SOX6: variants seen among roughly 807,000 people sequenced by gnomAD.
SOX6 encodes SRY-box transcription factor 6.
In SOX6, 11 loss-of-function variants were observed where a neutral mutation model predicts 97.8. That is an observed-to-expected ratio of 0.11 (90% confidence interval 0.07 to 0.19). The LOEUF (loss-of-function observed/expected upper bound fraction) is 0.19. Ranked by LOEUF, SOX6 falls within the 10% of genes least tolerant of loss-of-function variation. The pLI is 1.00. For missense variants in SOX6, 810 were observed against 1,039.5 expected, an observed-to-expected ratio of 0.78 and a Z score of 3.04; for synonymous variants, 360 against 371.4, an observed-to-expected ratio of 0.97 and a Z score of 0.35.
chr11:16,178,987 T>A (rs1272006444), intron 6 of SOX6, among the ~76,000 whole-genome samples: 1 of 151,862 alleles, frequency 6.6e-6, no homozygotes, highest in Non-Finnish European at 1.5e-5. Flanking sequence ...ATATCTCCAA[T>A]ATATATCTAT....
chr11:16,507,404 G>T (rs951637226), intron 4 of SOX6, among the ~76,000 whole-genome samples: 1 of 152,028 alleles, frequency 6.6e-6, no homozygotes, highest in Non-Finnish European at 1.5e-5. Context: ...CACAGAAATA[G>T]AAGGAAACAC....
intron 1 of SOX6, among the ~76,000 whole-genome samples, chr11:16,426,462 T>C (rs1179885131): frequency 6.6e-6 from 1 of 151,600 alleles, no homozygotes; most frequent in African/African-American, 2.4e-5. Flanking sequence ...AACAGACACA[T>C]AGACCAATGG....
intron 1 of SOX6, among the ~76,000 whole-genome samples, chr11:16,428,946 T>C (rs550613948): frequency 3.3e-5 from 5 of 152,350 alleles, no homozygotes; most frequent in Admixed American, 2.6e-4. Context: ...TATTAATTCT[T>C]CCTACACATG....
chr11:15,978,158 T>C (rs1853547576), intron 15 of SOX6, among the ~76,000 whole-genome samples: 1 of 152,056 alleles, frequency 6.6e-6, no homozygotes, highest in African/African-American at 2.4e-5. Context: ...ACTCATACCA[T>C]AAAAAACAAC....
At chr11:16,336,853 C>G (rs1272690285) in intron 2 of SOX6, among the ~76,000 whole-genome samples, 2 of 152,168 alleles carry the variant, frequency 1.3e-5, no homozygotes, top group Non-Finnish European at 1.5e-5. Flanking sequence ...ATTATACACT[C>G]TGACTGGGTG....
At chr11:16,609,759 G>A (rs1252766864) in intron 4 of SOX6, among the ~76,000 whole-genome samples, 1 of 152,200 alleles carries the variant, frequency 6.6e-6, no homozygotes, top group Non-Finnish European at 1.5e-5. Flanking sequence ...GATCTGTGGG[G>A]CAGAAGAAAT....
At chr11:16,737,408 T>C (rs1168781962) in intron 1 of SOX6, among the ~76,000 whole-genome samples, 1 of 152,068 alleles carries the variant, frequency 6.6e-6, no homozygotes, top group African/African-American at 2.4e-5. Context: ...GGTTTCACCA[T>C]GTTGATCAGG....
chr11:16,106,724 A>G (rs1233419308), intron 7 of SOX6, among the ~76,000 whole-genome samples: 1 of 152,076 alleles, frequency 6.6e-6, no homozygotes. Context: ...ACAGGCACCA[A>G]AGGAAAAAAT....
chr11:16,360,928 G>A (rs540273398), upstream of SOX6, among the ~76,000 whole-genome samples: 10 of 151,802 alleles, frequency 6.6e-5, no homozygotes, highest in Admixed American at 3.9e-4. Context: ...GCGTGAACCC[G>A]GGAGGCAGAG....
At chr11:16,008,270 G>A (rs937679626) in intron 13 of SOX6, among the ~76,000 whole-genome samples, 7 of 152,042 alleles carry the variant, frequency 4.6e-5, no homozygotes, top group African/African-American at 1.4e-4. Context: ...ACAGTTGATT[G>A]AATCTACAGA....
At chr11:16,428,563 C>A (rs1859202203) in intron 1 of SOX6, among the ~76,000 whole-genome samples, 1 of 152,134 alleles carries the variant, frequency 6.6e-6, no homozygotes, top group South Asian at 2.1e-4. Context: ...GTTTTCCCAG[C>A]ACCATTTATT....
Position 16,328,845 on chromosome 11 carries a change from G to A in SOX6, c.238-10192C>T, listed in dbSNP as rs1856189511. 2.0e-5 allele frequency among the ~76,000 whole-genome samples: 3 copies of A among 151,860 alleles called. No homozygotes were observed. The South Asian group carries it at 6.2e-4, about 32-fold the overall frequency. On this transcript the variant is annotated intron_variant, in intron 2 of 15. Transcript: ENST00000683767. ...CAAACATTTACGGTTCTTTCTCAGA[G>A]GAAAAAAGTATGTTTTTTTCTAATG...
rs531867669 is a variant in SOX6 at position 16,158,109 on chromosome 11, T to C, written c.777+25777A>G. 7.9e-5 allele frequency among the ~76,000 whole-genome samples: 12 copies of C among 152,156 alleles called. No individual in the cohort carries two copies. The South Asian group carries it at 2.5e-3, about 32-fold the overall frequency. On this transcript the variant is annotated intron_variant, in intron 6 of 15. Transcript: ENST00000683767. ...TACCCAAAGACTAGTAGAAATTTAA[T>C]AAGAAAACTTTATTAAACTCATTCA...
At chr11:15,976,042 T>G (rs949518178) in intron 15 of SOX6, among the ~76,000 whole-genome samples, 1 of 152,192 alleles carries the variant, frequency 6.6e-6, no homozygotes, top group Admixed American at 6.5e-5. Flanking sequence ...ATGGCTGTTT[T>G]AAGCCCCCAG....
chr11:16,388,249 C>G (rs1001353077), intron 1 of SOX6, among the ~76,000 whole-genome samples: 8 of 152,086 alleles, frequency 5.3e-5, no homozygotes, highest in Admixed American at 2.6e-4. Context: ...TTAAACCAAT[C>G]TTGTATTTCT....
At chr11:16,351,530 T>G (rs554240658) in intron 1 of SOX6, among the ~76,000 whole-genome samples, 2 of 152,116 alleles carry the variant, frequency 1.3e-5, no homozygotes, top group East Asian at 3.9e-4. Context: ...CATCAGTGGC[T>G]CTCCCCTGAT....
At chr11:16,706,751 A>G (rs2134045147) in intron 3 of SOX6, among the ~76,000 whole-genome samples, 1 of 151,420 alleles carries the variant, frequency 6.6e-6, no homozygotes, top group East Asian at 1.9e-4. Context: ...TTTCATTAAA[A>G]TGACAAATTA....
In SOX6 at chr11:15,970,964, C is replaced by T. The variant is rs974997038; in HGVS notation, c.*1845G>A. On this transcript the variant is annotated 3_prime_UTR_variant, in exon 16 of 16. Transcript: ENST00000683767. ...TTTCAGGAAGGCCAAAATGACATGG[C>T]AGAGCTCCCTGTAGTTAGGAGATGG... is the stretch of plus-strand genomic sequence containing the variant. 6.6e-6 allele frequency: 1 copy of T among 152,516 alleles called. No homozygotes were observed. The highest frequency in any genetic ancestry group is 1.5e-5 in the Non-Finnish European group (1 of 68,058). The allele number at this position is 152,516 out of a possible 1,614,324, so 9.4% of individuals were successfully genotyped here.
intron 3 of SOX6, among the ~76,000 whole-genome samples, chr11:16,656,228 C>T (rs148941076): frequency 0.015 from 2,274 of 152,214 alleles, 55 homozygotes; most frequent in African/African-American, 0.051. Flanking sequence ...CAGGCACATG[C>T]CACCACGCCC....
Sources: gnomAD v4.1 joint callset for allele counts (sites outside exome capture counted in the v4.1 genomes callset) on GRCh38, gnomAD v4.1.1 for gene constraint, MANE v1.5 for transcripts, NCBI Gene and HGNC (gene_info 2026-07-23, HGNC 2026-07-21) for gene names.